The following SMU1 variants were observed in gnomAD, a reference collection of about 807,000 sequenced individuals.
SMU1 encodes the protein WD40 repeat-containing protein SMU1.
SMU1 carries 2 observed loss-of-function variants against 62.0 expected under a neutral mutation model. The ratio of observed to expected loss-of-function variants is 0.03; its 90% confidence interval spans 0.01 to 0.10. The LOEUF (loss-of-function observed/expected upper bound fraction) is 0.10, where lower values mean the gene tolerates loss of function less well. Among genes scored for constraint, SMU1 ranks in the 10% least tolerant of loss-of-function variants. SMU1 has a pLI of 1.00. For synonymous variants in SMU1, 188 were observed against 212.4 expected, an observed-to-expected ratio of 0.89 and a Z score of 1.00; for missense variants, 227 against 622.1, an observed-to-expected ratio of 0.36 and a Z score of 6.76.
chr9:33,059,366 T>C (rs1442951571), intron 6 of SMU1, among the ~76,000 whole-genome samples: 1 of 148,624 alleles, frequency 6.7e-6, no homozygotes, highest in Admixed American at 6.7e-5. Flanking sequence ...GGTACAAGTG[T>C]AGGAGCAAAA....
At chr9:33,072,490 C>T (rs1156757225) in intron 2 of SMU1, among the ~76,000 whole-genome samples, 1 of 152,152 alleles carries the variant, frequency 6.6e-6, no homozygotes. Context: ...AACCTTTCTC[C>T]AGTTACCAAA....
At chr9:33,060,706 G>A in intron 5 of SMU1, 122 bp from the exon 6 acceptor site, 2 of 1,250,526 alleles carry the variant, frequency 1.6e-6, no homozygotes, top group Admixed American at 2.8e-5. Flanking sequence ...ATATTATAGA[G>A]TATTGGAGGG....
chr9:33,065,094 G>A (rs772078113), intron 4 of SMU1, among the ~76,000 whole-genome samples: 1 of 152,084 alleles, frequency 6.6e-6, no homozygotes, highest in Non-Finnish European at 1.5e-5. Flanking sequence ...TACATTTACA[G>A]CTTCAACTAC....
In SMU1 at chr9:33,062,726, A is replaced by G. The variant is rs563511954; in HGVS notation, c.502-549T>C. On this transcript the variant is annotated intron_variant, in intron 4 of 11. Transcript: ENST00000397149. The stretch of plus-strand genomic sequence containing the variant: ...TTAGTGGACATTTACACTGCTTCCA[A>G]TTTTTCAATCACCTAAATAATGCTG... Among the ~76,000 whole-genome samples the G allele has an allele frequency of 2.0e-5, 3 of 152,164 alleles. No individual in the cohort carries two copies. In the South Asian group the frequency reaches 6.2e-4, roughly 32 times the overall value.
intron 4 of SMU1, 138 bp downstream of exon 4, chr9:33,068,686 G>T (rs971641682): frequency 7.1e-6 from 7 of 979,828 alleles, no homozygotes; most frequent in African/African-American, 6.7e-5. Flanking sequence ...TTTACTTTTT[G>T]TAGAGACAGA....
At position 33,051,099 on chromosome 9, in the gene SMU1, C is replaced by G. The variant is rs554933634; in HGVS notation, c.1290+2024G>C. Among the ~76,000 whole-genome samples the G allele has an allele frequency of 7.9e-3, 513 of 64,582 alleles. 91 individuals are homozygous for G. Among genetic ancestry groups the G allele is most frequent in the Non-Finnish European group, 9.0e-3 (246 of 27,420 alleles). The allele number at this position is 64,582 out of a possible 152,430, so 42.4% of individuals were successfully genotyped here. On this transcript the variant is annotated intron_variant, in intron 10 of 11. Coordinates refer to ENST00000397149, the MANE Select transcript of SMU1 (RefSeq NM_018225.3). ...TCGCGCCACTGCACTCCAGCCTGGG[C>G]GACAGAGCGAGACTCTGTCTCAAAA...
chr9:33,072,828 C>CAAAA (rs768630155), intron 2 of SMU1, among the ~76,000 whole-genome samples: 17 of 82,880 alleles, frequency 2.1e-4, no homozygotes, highest in East Asian at 6.7e-4. Context: ...GACTCTGTCT[C>CAAAA]AAAAAAAAAA....
rs1165566623 is a variant in SMU1 at position 33,076,639 on chromosome 9, T to C, written c.-31A>G. ...TATCTCTCCGGGAGCAGGCCCCAGCTCTCCCTCAAGGCCAGTCGCGCAACA... is the reference window on the plus strand; with the variant it reads ...TATCTCTCCGGGAGCAGGCCCCAGCCCTCCCTCAAGGCCAGTCGCGCAACA... On this transcript the variant is annotated 5_prime_UTR_variant, in exon 1 of 12. Transcript: ENST00000397149. The C allele has an allele frequency of 6.2e-7, 1 of 1,613,582 alleles. No homozygotes were observed. The highest frequency in any genetic ancestry group is 2.2e-5 in the East Asian group (1 of 44,872).
chr9:33,073,872 C>A, intron 1 of SMU1, 66 bp from the exon 2 acceptor site: 2 of 1,398,578 alleles, frequency 1.4e-6, no homozygotes, highest in South Asian at 2.5e-5. Context: ...TAAAGCCTAT[C>A]AAGCTCCTAC....
chr9:33,048,864 A>G (rs1839213995), intron 10 of SMU1, among the ~76,000 whole-genome samples: 4 of 152,260 alleles, frequency 2.6e-5, no homozygotes, highest in Admixed American at 2.6e-4. Flanking sequence ...AATTTAAAAC[A>G]TGATACCATT....
intron 9 of SMU1, among the ~76,000 whole-genome samples, chr9:33,054,055 C>T (rs544124548): frequency 2.6e-5 from 4 of 152,200 alleles, no homozygotes; most frequent in African/African-American, 4.8e-5. Flanking sequence ...GAAGCCAAGG[C>T]GGGTGGATCA....
At chr9:33,074,539 G>T (rs1451765262) in intron 1 of SMU1, among the ~76,000 whole-genome samples, 1 of 152,098 alleles carries the variant, frequency 6.6e-6, no homozygotes, top group Non-Finnish European at 1.5e-5. Flanking sequence ...GTATCCATAA[G>T]GTTGAGGCTG....
At chr9:33,056,080 C>T in intron 9 of SMU1, 33 bp downstream of exon 9, 2 of 1,580,438 alleles carry the variant, frequency 1.3e-6, no homozygotes, top group South Asian at 2.3e-5. Context: ...ATGGGGTAGA[C>T]ATCCCAAAAT....
intron 10 of SMU1, 60 bp from the exon 11 acceptor site, chr9:33,048,318 C>G: frequency 6.3e-7 from 1 of 1,587,894 alleles, no homozygotes; most frequent in Non-Finnish European, 8.6e-7. Flanking sequence ...CAACCATGTG[C>G]AGCATTTTAA....
chr9:33,050,526 TAAA>T (rs572118083), intron 10 of SMU1, among the ~76,000 whole-genome samples: 18 of 99,888 alleles, frequency 1.8e-4, no homozygotes, highest in African/African-American at 4.0e-4. Flanking sequence ...ATTAAGCACT[TAAA>T]AAAAAAAAAA....
At chr9:33,051,883 C>T (rs1587706677) in intron 10 of SMU1, among the ~76,000 whole-genome samples, 1 of 151,722 alleles carries the variant, frequency 6.6e-6, no homozygotes, top group African/African-American at 2.4e-5. Context: ...GGAGTGACCC[C>T]GTCTCTACTA....
chr9:33,053,341 T>G, intron 9 of SMU1, 51 bp from the exon 10 acceptor site: 1 of 1,551,034 alleles, frequency 6.4e-7, no homozygotes, highest in Non-Finnish European at 8.7e-7. Context: ...TAAAAATTTC[T>G]AAAGTTTTAG....
chr9:33,066,503 A>AT (rs1554681442), intron 4 of SMU1, among the ~76,000 whole-genome samples: 2 of 73,636 alleles, frequency 2.7e-5, no homozygotes, highest in East Asian at 8.2e-4. Context: ...GTTCCATTTA[A>AT]TTAAAAAAAA....
At position 33,073,759 on chromosome 9, in the gene SMU1, C is replaced by T. The variant is rs1241310721; in HGVS notation, c.74G>A (p.Arg25Gln). Reference sequence around the variant, plus strand: ...CTCCTCCTGCAAGGTGGCTAACGCCCGATGTAAACTGTTCTCCTTCAAGTA... The same window carrying T: ...CTCCTCCTGCAAGGTGGCTAACGCCTGATGTAAACTGTTCTCCTTCAAGTA... ...MQYLKENSLH[R>Q]ALATLQEETT... The change falls in exon 2 of 12, where the codon CGG becomes CAG. Residue 25 changes from arginine to glutamine, a missense_variant. By Grantham distance (43) the Arg-to-Gln change is conservative. This residue lies in a region of SMU1 where 99 missense variants were observed against 270.3 expected (regional missense o/e 0.37). Transcript: ENST00000397149. 4 of 1,614,030 alleles carry T rather than the reference C, an allele frequency of 2.5e-6. No individual in the cohort carries two copies. The Admixed American group carries it at 6.7e-5, about 27-fold the overall frequency.
Sources: allele counts gnomAD v4.1 joint callset (sites outside exome capture counted in the v4.1 genomes callset), GRCh38; gene constraint gnomAD v4.1.1; regional missense constraint gnomAD v4.1.1; transcripts MANE v1.5; gene names NCBI Gene and HGNC (gene_info 2026-07-23, HGNC 2026-07-21).